The following UGT1A7 variants were observed in gnomAD, a reference collection of about 807,000 sequenced individuals.
UGT1A7 encodes UDP-glucuronosyltransferase 1A7.
In UGT1A7, 33 loss-of-function variants were observed where a neutral mutation model predicts 45.6. The ratio of observed to expected loss-of-function variants is 0.72; its 90% CI spans 0.55 to 0.97. The LOEUF (loss-of-function observed/expected upper bound fraction) is 0.97, where lower values mean the gene tolerates loss of function less well. Ranked by LOEUF, UGT1A7 falls within the 50% of genes least tolerant of loss-of-function variation. The probability of loss-of-function intolerance (pLI) is 0.00; values close to 1 mark genes in which losing one functional copy is unlikely to be tolerated. For synonymous variants in UGT1A7, 274 were observed against 250.6 expected (o/e 1.09, Z -0.88); for missense variants, 684 against 666.2 (o/e 1.03, Z -0.29).
chr2:233,744,010 C>T, intron 1 of UGT1A7: 1 of 1,130,886 alleles, frequency 8.8e-7, no homozygotes, highest in Non-Finnish European at 1.2e-6. Context: ...GAGACCTGGG[C>T]CGCCTGGAGA....
At chr2:233,766,476 A>G (rs893882112) in intron 1 of UGT1A7, among the ~76,000 whole-genome samples, 2 of 152,172 alleles carry the variant, frequency 1.3e-5, no homozygotes, top group African/African-American at 2.4e-5. Flanking sequence ...TTATAGGCAC[A>G]TGATGGGGGC....
chr2:233,767,983 AG>A (rs1699537799), intron 3 of UGT1A7, 47 bp downstream of exon 3: 1 of 1,614,082 alleles, frequency 6.2e-7, no homozygotes, highest in African/African-American at 1.3e-5. Context: ...GGTCAAATTA[AG>A]AAAATGGCTT....
chr2:233,733,931 G>A (rs1209244784), intron 1 of UGT1A7, among the ~76,000 whole-genome samples: 1 of 151,624 alleles, frequency 6.6e-6, no homozygotes, highest in Non-Finnish European at 1.5e-5. Flanking sequence ...TGAGGAAGGG[G>A]AACATCACAT....
chr2:233,738,458 G>A (rs1690791213), intron 1 of UGT1A7, among the ~76,000 whole-genome samples: 1 of 152,228 alleles, frequency 6.6e-6, no homozygotes, highest in South Asian at 2.1e-4. Context: ...GAAGATGTGG[G>A]AAAGTTTGGA....
chr2:233,753,553 C>A (rs768975399), intron 1 of UGT1A7: 9 of 152,144 alleles, frequency 5.9e-5, no homozygotes, highest in Non-Finnish European at 1.3e-4. Context: ...TCAGAGGTGA[C>A]CCTAGAAGAT....
intron 1 of UGT1A7, among the ~76,000 whole-genome samples, chr2:233,710,713 A>AT: frequency 6.6e-6 from 1 of 152,088 alleles, no homozygotes; most frequent in Non-Finnish European, 1.5e-5. Context: ...CCTTTGTTTC[A>AT]TTTTTTAAAA....
At chr2:233,684,565 T>C (rs1023847969) in intron 1 of UGT1A7, among the ~76,000 whole-genome samples, 1 of 152,232 alleles carries the variant, frequency 6.6e-6, no homozygotes, top group South Asian at 2.1e-4. Flanking sequence ...GAGAGATCTA[T>C]AAAATATGAA....
intron 1 of UGT1A7, among the ~76,000 whole-genome samples, chr2:233,712,032 A>C (rs564582261): frequency 2.6e-4 from 40 of 152,322 alleles, no homozygotes; most frequent in African/African-American, 8.4e-4. Flanking sequence ...TTGGTGCTGG[A>C]TTGACTTGGA....
rs1267717516 is a variant in UGT1A7, at chr2:233,755,162, G to A, written c.856-11872G>A. 1.3e-4 allele frequency: 162 copies of A among 1,279,924 alleles called. 2 individuals carry two copies. The highest frequency in any genetic ancestry group is 5.7e-5 in the Admixed American group (3 of 52,216). The allele number at this position is 1,279,924 out of a possible 1,614,324, so 79.3% of individuals were successfully genotyped here. A position where few individuals can be genotyped will look rare whatever the true frequency, so the allele number is the denominator to read the frequency against. Reference sequence around the variant, plus strand: ...TTCTCACCGCTTCCTCCCTGTCCTCGGGGTTTTTGTCGGGGTGCCACTTGA... The same window carrying A: ...TTCTCACCGCTTCCTCCCTGTCCTCAGGGTTTTTGTCGGGGTGCCACTTGA... On this transcript the variant is annotated intron_variant, in intron 1 of 4. Coordinates refer to ENST00000373426, the MANE Select transcript of UGT1A7 (RefSeq NM_019077.3).
chr2:233,712,799 T>C (rs2076255555), intron 1 of UGT1A7, among the ~76,000 whole-genome samples: 1 of 152,254 alleles, frequency 6.6e-6, no homozygotes, highest in Non-Finnish European at 1.5e-5. Context: ...GTGATCGGTC[T>C]TTCCCAGGGT....
At chr2:233,693,417 T>A in intron 1 of UGT1A7, 1 of 1,614,112 alleles carries the variant, frequency 6.2e-7, no homozygotes, top group Non-Finnish European at 8.5e-7. Flanking sequence ...ACCCTGAACT[T>A]CTTTAAGGAG....
At chr2:233,697,673 T>G (rs1297148810) in intron 1 of UGT1A7, among the ~76,000 whole-genome samples, 1 of 152,122 alleles carries the variant, frequency 6.6e-6, no homozygotes. Context: ...GGTTGTTTAT[T>G]CAAAATATTT....
intron 1 of UGT1A7, among the ~76,000 whole-genome samples, chr2:233,723,358 C>T (rs1313054035): frequency 2.4e-4 from 30 of 124,194 alleles, no homozygotes; most frequent in African/African-American, 9.2e-4. Flanking sequence ...TACAGGCACA[C>T]GTCACCACAC....
At chr2:233,718,776 G>C in intron 1 of UGT1A7, 2 of 1,612,920 alleles carry the variant, frequency 1.2e-6, no homozygotes, top group Non-Finnish European at 1.7e-6. Flanking sequence ...AATGTAGCAG[G>C]CACAGCGTGG....
rs1491042837 is a variant in UGT1A7 at position 233,757,562 on chromosome 2, G to GTATATATATATATATATATA, written c.856-9465_856-9464insATATATATATATATATATAT. On this transcript the variant is annotated intron_variant, in intron 1 of 4. Coordinates refer to ENST00000373426, the MANE Select transcript of UGT1A7 (RefSeq NM_019077.3). ...TATATATATATATATATATATATAT[G>GTATATATATATATATATATA]TATATATGATATAGCTATAGTCTAA... 3.3e-5 allele frequency among the ~76,000 whole-genome samples: 3 copies of GTATATATATATATATATATA among 90,870 alleles called. 1 individual carries two copies. The highest frequency in any genetic ancestry group is 1.5e-4 in the African/African-American group (3 of 19,494). The allele number at this position is 90,870 out of a possible 152,430, so 59.6% of individuals were successfully genotyped here. A position where few individuals can be genotyped will look rare whatever the true frequency, so the allele number is the denominator to read the frequency against.
In UGT1A7 at chr2:233,722,423, G is replaced by C. The variant is rs1325775698; in HGVS notation, c.855+39631G>C. ...TCCTTGATTTAAAGTTTATGGATAG[G>C]TTGAATTATTTGATTGGTCTTCTCA... On this transcript the variant is annotated intron_variant, in intron 1 of 4. Transcript: ENST00000373426. Among the ~76,000 whole-genome samples, 3 of 152,154 alleles carry C rather than the reference G, an allele frequency of 2.0e-5. No homozygotes were observed. The East Asian group carries it at 5.8e-4, about 29-fold the overall frequency.
At chr2:233,728,368 C>T (rs1168371708) in intron 1 of UGT1A7, among the ~76,000 whole-genome samples, 7 of 152,282 alleles carry the variant, frequency 4.6e-5, no homozygotes, top group African/African-American at 1.2e-4. Context: ...CTGAACCCAC[C>T]ATGGGTCTTT....
chr2:233,744,031 A>G, intron 1 of UGT1A7: 1 of 839,512 alleles, frequency 1.2e-6, no homozygotes. Flanking sequence ...GACGCCCCTT[A>G]TGACGCAGCC....
chr2:233,695,421 GCCT>G (rs1300912174), intron 1 of UGT1A7, among the ~76,000 whole-genome samples: 1 of 136,992 alleles, frequency 7.3e-6, no homozygotes, highest in Non-Finnish European at 1.6e-5. Context: ...ACCGCGCCCG[GCCT>G]TCTTCTTCTT....
Sources: gnomAD v4.1 joint callset for allele counts (sites outside exome capture counted in the v4.1 genomes callset) on GRCh38, gnomAD v4.1.1 for gene constraint, MANE v1.5 for transcripts, NCBI Gene and HGNC (gene_info 2026-07-23, HGNC 2026-07-21) for gene names.